HDDC2: variants seen among roughly 807,000 people sequenced by gnomAD.
The protein encoded by HDDC2 is HD domain containing 2.
HDDC2 carries 25 observed loss-of-function variants against 25.5 expected under a neutral mutation model. The observed-to-expected ratio is 0.98, with a 90% CI of 0.72 to 1.37. The LOEUF is 1.37. HDDC2 is among the 40% of genes most tolerant of loss of function. The probability of loss-of-function intolerance (pLI) is 0.00; values close to 1 mark genes in which losing one functional copy is unlikely to be tolerated. For synonymous variants in HDDC2, 106 were observed against 89.7 expected (o/e 1.18, Z -1.03); for missense variants, 264 against 253.1 (o/e 1.04, Z -0.29).
At chr6:125,296,358 CCCT>C (rs1798706187) in intron 3 of HDDC2, among the ~76,000 whole-genome samples, 1 of 152,050 alleles carries the variant, frequency 6.6e-6, no homozygotes, top group South Asian at 2.1e-4. Context: ...TATTTTTTCT[CCCT>C]CCTACTTTAG....
At chr6:125,284,309 A>G (rs544569386) in intron 4 of HDDC2, among the ~76,000 whole-genome samples, 60 of 152,354 alleles carry the variant, frequency 3.9e-4, no homozygotes, top group Admixed American at 7.2e-4. Flanking sequence ...CAAAATTGAC[A>G]AATGGGATCT....
chr6:125,289,812 G>A (rs935550814), intron 4 of HDDC2, among the ~76,000 whole-genome samples: 5 of 152,210 alleles, frequency 3.3e-5, no homozygotes, highest in African/African-American at 7.2e-5. Flanking sequence ...ATCCAAGGAC[G>A]GTGGGGTGTA....
chr6:125,298,646 A>T, intron 3 of HDDC2, 68 bp downstream of exon 3: 3 of 1,168,098 alleles, frequency 2.6e-6, no homozygotes, highest in South Asian at 2.5e-5. Flanking sequence ...CAGGTCTCAT[A>T]AACTTAGCTT....
At position 125,291,746 on chromosome 6, in the gene HDDC2, A is replaced by G. The variant is rs558643671; in HGVS notation, c.378+1095T>C. On this transcript the variant is annotated intron_variant, in intron 4 of 5. Transcript: ENST00000398153. Reference sequence around the variant, plus strand: ...GGGTGTGTAAATAGGAGTTGGATCCAAACTCAGGTCTCTCTGGCTGCAAGG... The same window carrying G: ...GGGTGTGTAAATAGGAGTTGGATCCGAACTCAGGTCTCTCTGGCTGCAAGG... Among the ~76,000 whole-genome samples, 22 of 152,320 alleles carry G rather than the reference A, an allele frequency of 1.4e-4. No homozygotes were observed. In the South Asian group the frequency reaches 1.9e-3, roughly 13 times the overall value.
chr6:125,298,927 A>G (rs1798752320), intron 2 of HDDC2, 111 bp from the exon 3 acceptor site: 1 of 652,930 alleles, frequency 1.5e-6, no homozygotes, highest in African/African-American at 1.8e-5. Context: ...CCACCCTCAC[A>G]GAGTATTTTA....
chr6:125,282,339 C>T (rs1288480444), intron 4 of HDDC2, among the ~76,000 whole-genome samples: 10 of 148,412 alleles, frequency 6.7e-5, no homozygotes, highest in Admixed American at 4.7e-4. Flanking sequence ...AACAGCCAGA[C>T]TCCATCTCAA....
chr6:125,275,892 T>C lies in HDDC2; in HGVS notation c.*254A>G, dbSNP rs532475332. 34 of 438,384 alleles carry C rather than the reference T, an allele frequency of 7.8e-5. No individual in the cohort carries two copies. The highest frequency in any genetic ancestry group is 1.4e-4 in the South Asian group (3 of 20,846). The allele number at this position is 438,384 out of a possible 1,614,324, so 27.2% of individuals were successfully genotyped here. On this transcript the variant is annotated 3_prime_UTR_variant, in exon 6 of 6. Coordinates refer to ENST00000398153, the MANE Select transcript of HDDC2 (RefSeq NM_016063.3). ...ATAAATATTCTAATATTTTAGGTGT[T>C]TAATATTTATTTATTTAGTTCATAA...
At chr6:125,288,682 A>G (rs919033118) in intron 4 of HDDC2, among the ~76,000 whole-genome samples, 1 of 149,522 alleles carries the variant, frequency 6.7e-6, no homozygotes, top group African/African-American at 2.5e-5. Flanking sequence ...ACATGAACAG[A>G]CACTTCTCAA....
intron 3 of HDDC2, among the ~76,000 whole-genome samples, chr6:125,298,251 AAAAAT>A (rs571138455): frequency 8.9e-4 from 136 of 152,334 alleles, no homozygotes; most frequent in African/African-American, 3.2e-3. Flanking sequence ...TGAAATTAAC[AAAAAT>A]AAAATAAAAT....
intron 3 of HDDC2, among the ~76,000 whole-genome samples, chr6:125,293,568 CA>C (rs953486529): frequency 2.7e-4 from 41 of 152,244 alleles, no homozygotes; most frequent in Non-Finnish European, 4.4e-4. Flanking sequence ...ATCCTCTTTC[CA>C]AAAATGTGTG....
chr6:125,286,354 A>G (rs190394363), intron 4 of HDDC2, among the ~76,000 whole-genome samples: 1 of 152,376 alleles, frequency 6.6e-6, no homozygotes, highest in Admixed American at 6.5e-5. Flanking sequence ...TAACTCGGAT[A>G]GTACAGGCAA....
chr6:125,300,761 C>A, intron 1 of HDDC2, 102 bp from the exon 2 acceptor site: 2 of 1,179,540 alleles, frequency 1.7e-6, no homozygotes, highest in South Asian at 1.6e-5. Context: ...GAAGCCGGGT[C>A]ATAATTTCAG....
chr6:125,284,862 C>T (rs945991357), intron 4 of HDDC2, among the ~76,000 whole-genome samples: 1 of 152,108 alleles, frequency 6.6e-6, no homozygotes, highest in Admixed American at 6.5e-5. Context: ...GACACATGCA[C>T]ACGTATGTTT....
chr6:125,290,687 C>T (rs1018545530), intron 4 of HDDC2, among the ~76,000 whole-genome samples: 3 of 152,100 alleles, frequency 2.0e-5, no homozygotes, highest in Non-Finnish European at 2.9e-5. Flanking sequence ...GATGTGTCTG[C>T]GAACCAAGGA....
chr6:125,276,704 CT>C, intron 5 of HDDC2: 1 of 246,502 alleles, frequency 4.1e-6, no homozygotes, highest in Non-Finnish European at 7.8e-6. Context: ...GCAGGTGTCT[CT>C]CTTGTAAACA....
intron 4 of HDDC2, 110 bp downstream of exon 4, chr6:125,292,731 A>T: frequency 1.2e-6 from 1 of 816,976 alleles, no homozygotes; most frequent in Admixed American, 1.9e-5. Context: ...CAAACCAGAC[A>T]GTAATAAGTT....
intron 4 of HDDC2, among the ~76,000 whole-genome samples, chr6:125,280,188 G>A (rs2115101537): frequency 6.6e-6 from 1 of 152,310 alleles, no homozygotes; most frequent in South Asian, 2.1e-4. Context: ...ACTGTGCTGT[G>A]AGGAAGGGTG....
In HDDC2 at chr6:125,300,604, G is replaced by C; in HGVS notation, c.140C>G (p.Ser47Ter). 2.5e-6 allele frequency: 4 copies of C among 1,614,122 alleles called. No individual in the cohort carries two copies. Among genetic ancestry groups the C allele is most frequent in the Non-Finnish European group, 3.4e-6 (4 of 1,180,002 alleles). The change falls in exon 2 of 6, where the codon TCA becomes TGA. Residue 47 changes from serine (S) to a stop codon, truncating the protein, a stop_gained. Coordinates refer to ENST00000398153, the MANE Select transcript of HDDC2 (RefSeq NM_016063.3). LOFTEE classifies it high-confidence loss of function. ...YRNVQRPESV[S>*]DHMYRMAVMA... ...AACTGCCATCCGGTACATGTGATCT[G>C]AAACGCTCTCCGGCCTCTGGACATT...
At position 125,282,964 on chromosome 6, in the gene HDDC2, C is replaced by A. The variant is rs568563405; in HGVS notation, c.379-5724G>T. On this transcript the variant is annotated intron_variant, in intron 4 of 5. Transcript: ENST00000398153. ...GGATGAATGCAACAAGAAGAGCTAA[C>A]TATCCTAAATATAGGCTTCATCTTT... 7.9e-5 allele frequency among the ~76,000 whole-genome samples: 12 copies of A among 152,304 alleles called. No individual in the cohort carries two copies. The East Asian group carries it at 2.3e-3, about 29-fold the overall frequency.
Sources: allele counts gnomAD v4.1 joint callset (sites outside exome capture counted in the v4.1 genomes callset), GRCh38; gene constraint gnomAD v4.1.1; transcripts MANE v1.5; gene names NCBI Gene and HGNC (gene_info 2026-07-23, HGNC 2026-07-21).